Variants in IMPG1 observed in about 807,000 individuals in gnomAD.
IMPG1 encodes interphotoreceptor matrix proteoglycan 1.
A neutral mutation model predicts 92.0 loss-of-function variants in IMPG1; 85 were observed. That is an observed-to-expected ratio of 0.92 (90% CI 0.78 to 1.11). The LOEUF is 1.11. Ranked by LOEUF, IMPG1 falls within the 50% of genes least tolerant of loss-of-function variation. IMPG1 has a pLI of 0.00. For synonymous variants in IMPG1, 367 were observed against 334.1 expected, an observed-to-expected ratio of 1.10 and a Z score of -1.08; for missense variants, 1,022 against 956.0, an observed-to-expected ratio of 1.07 and a Z score of -0.91.
intron 14 of IMPG1, among the ~76,000 whole-genome samples, chr6:75,941,330 A>G (rs1429965474): frequency 2.0e-5 from 3 of 152,236 alleles, no homozygotes; most frequent in East Asian, 1.9e-4. Context: ...AAATGATCCA[A>G]TATTTGGAAA....
intron 6 of IMPG1, among the ~76,000 whole-genome samples, chr6:76,020,974 G>T (rs1365899029): frequency 6.6e-6 from 1 of 152,188 alleles, no homozygotes; most frequent in African/African-American, 2.4e-5. Context: ...ATTTGCATCT[G>T]TAAAGAATCT....
intron 4 of IMPG1, among the ~76,000 whole-genome samples, chr6:76,028,396 G>T (rs185695229): frequency 2.0e-5 from 3 of 152,212 alleles, no homozygotes; most frequent in Non-Finnish European, 4.4e-5. Flanking sequence ...AAATGCTCAC[G>T]AATATCAAAC....
At chr6:75,946,974 C>T (rs982736102) in intron 14 of IMPG1, among the ~76,000 whole-genome samples, 2 of 152,188 alleles carry the variant, frequency 1.3e-5, no homozygotes, top group East Asian at 3.9e-4. Context: ...CTTTTGACTT[C>T]TAGCAGAATG....
intron 2 of IMPG1, among the ~76,000 whole-genome samples, chr6:76,037,318 T>C (rs1582121981): frequency 1.3e-5 from 2 of 152,272 alleles, no homozygotes; most frequent in East Asian, 3.9e-4. Context: ...TTCAAGGTAA[T>C]TGATCTTTTA....
At chr6:76,013,373 A>G (rs927252992) in intron 7 of IMPG1, among the ~76,000 whole-genome samples, 3 of 151,940 alleles carry the variant, frequency 2.0e-5, no homozygotes, top group Non-Finnish European at 2.9e-5. Flanking sequence ...CACATACAAT[A>G]TACACTTCTA....
Position 76,005,326 on chromosome 6 carries a change from CT to C in IMPG1, c.1095del (p.Glu366AsnfsTer37). 1 of 1,614,010 alleles carries C rather than the reference CT, an allele frequency of 6.2e-7. No homozygotes were observed. Among genetic ancestry groups the C allele is most frequent in the South Asian group, 1.1e-5 (1 of 91,078 alleles). On this transcript the variant is annotated frameshift_variant, in exon 10 of 17. Transcript: ENST00000369950. LOFTEE classifies it high-confidence loss of function. ...ATTGTCCCCACATCCAAAGATTGTT[CT>C]TCCTCTAGTGCTTTGCTGATCAGCC... ...LKRLISKALE[E>X]EQSLDVGTIQ...
chr6:75,992,708 G>C (rs898169408), intron 12 of IMPG1, among the ~76,000 whole-genome samples: 2 of 152,022 alleles, frequency 1.3e-5, no homozygotes, highest in African/African-American at 4.8e-5. Flanking sequence ...TGACTTTTAA[G>C]GCCCTGCTTG....
chr6:75,923,212 C>G (rs998984438), intron 16 of IMPG1, among the ~76,000 whole-genome samples: 1 of 152,002 alleles, frequency 6.6e-6, no homozygotes, highest in African/African-American at 2.4e-5. Flanking sequence ...TTTGAAGTTA[C>G]TCATTGTTCA....
intron 9 of IMPG1, among the ~76,000 whole-genome samples, chr6:76,006,722 G>A (rs1007929837): frequency 7.2e-5 from 11 of 152,094 alleles, no homozygotes; most frequent in Admixed American, 5.9e-4. Context: ...GAAGGAAGGT[G>A]TGAGAAAAGA....
At chr6:76,009,033 G>A (rs1290062862) in intron 8 of IMPG1, among the ~76,000 whole-genome samples, 1 of 152,154 alleles carries the variant, frequency 6.6e-6, no homozygotes, top group African/African-American at 2.4e-5. Flanking sequence ...CACCCATGTT[G>A]TTGTGTATTC....
At chr6:76,007,538 G>A in intron 8 of IMPG1, 38 bp from the exon 9 acceptor site, 2 of 1,474,572 alleles carry the variant, frequency 1.4e-6, no homozygotes, top group Admixed American at 2.0e-5. Flanking sequence ...ATGAAAAAGA[G>A]AAAAAAATTT....
At chr6:76,016,718 C>T (rs1240397655) in intron 7 of IMPG1, among the ~76,000 whole-genome samples, 1 of 152,172 alleles carries the variant, frequency 6.6e-6, no homozygotes, top group Non-Finnish European at 1.5e-5. Flanking sequence ...CTCCTGTTGT[C>T]CACATTGTAG....
chr6:76,030,597 T>A (rs1783636521), intron 4 of IMPG1, among the ~76,000 whole-genome samples: 1 of 152,098 alleles, frequency 6.6e-6, no homozygotes, highest in Non-Finnish European at 1.5e-5. Context: ...AGGATTGGGC[T>A]CAGGGGAAAG....
chr6:76,018,997 T>A, intron 6 of IMPG1, 139 bp from the exon 7 acceptor site: 1 of 745,206 alleles, frequency 1.3e-6, no homozygotes, highest in Non-Finnish European at 2.0e-6. Flanking sequence ...TCCTTTTAAC[T>A]AGAACTTAGA....
At chr6:75,937,371 G>A (rs1411183400) in intron 14 of IMPG1, among the ~76,000 whole-genome samples, 2 of 152,072 alleles carry the variant, frequency 1.3e-5, no homozygotes, top group African/African-American at 2.4e-5. Context: ...AAACTGAAGT[G>A]TGTTGTCACT....
intron 12 of IMPG1, among the ~76,000 whole-genome samples, chr6:75,967,684 A>G (rs1360290820): frequency 2.0e-5 from 3 of 152,246 alleles, no homozygotes; most frequent in Non-Finnish European, 2.9e-5. Flanking sequence ...AAAACAAAAC[A>G]AAACAAAAAA....
intron 1 of IMPG1, among the ~76,000 whole-genome samples, chr6:76,058,517 TA>T (rs1470346649): frequency 6.6e-6 from 1 of 152,080 alleles, no homozygotes; most frequent in African/African-American, 2.4e-5. Context: ...TAAAAGGGAG[TA>T]ATATTTGAGA....
chr6:76,002,757 G>A (rs1446506590), intron 12 of IMPG1, among the ~76,000 whole-genome samples, 161 bp downstream of exon 12: 1 of 152,238 alleles, frequency 6.6e-6, no homozygotes, highest in Admixed American at 6.5e-5. Flanking sequence ...TCTGCAGAAA[G>A]GTTAGTTCAA....
At chr6:75,938,999 C>A (rs2149453077) in intron 14 of IMPG1, among the ~76,000 whole-genome samples, 1 of 152,240 alleles carries the variant, frequency 6.6e-6, no homozygotes, top group East Asian at 1.9e-4. Flanking sequence ...TCACACCCAG[C>A]TAACTTTTGC....
Sources: allele counts gnomAD v4.1 joint callset (sites outside exome capture counted in the v4.1 genomes callset), GRCh38; gene constraint gnomAD v4.1.1; transcripts MANE v1.5; gene names NCBI Gene and HGNC (gene_info 2026-07-23, HGNC 2026-07-21).